The following ANKEF1 variants were observed in gnomAD, a reference collection of about 807,000 sequenced individuals.
ANKEF1 encodes the protein ankyrin repeat and EF-hand domain containing 1.
In ANKEF1, 43 loss-of-function variants were observed where a neutral mutation model predicts 65.1. The observed-to-expected ratio is 0.66, with a 90% CI of 0.52 to 0.85. ANKEF1 has a LOEUF of 0.85. ANKEF1 is among the 40% of genes least tolerant of loss of function. The pLI, the probability that ANKEF1 is intolerant of heterozygous loss-of-function variation, is 0.00. For synonymous variants in ANKEF1, 316 were observed against 341.5 expected, an observed-to-expected ratio of 0.93 and a Z score of 0.82; for missense variants, 934 against 952.9, an observed-to-expected ratio of 0.98 and a Z score of 0.26.
chr20:10,054,224 G>A (rs968512103), intron 9 of ANKEF1, among the ~76,000 whole-genome samples: 1 of 151,918 alleles, frequency 6.6e-6, no homozygotes, highest in Admixed American at 6.6e-5. Flanking sequence ...ATCAAGGATG[G>A]GTATCTCAAA....
chr20:10,038,229 T>C, intron 2 of ANKEF1, 29 bp from the exon 3 acceptor site: 1 of 933,608 alleles, frequency 1.1e-6, no homozygotes, highest in South Asian at 3.0e-5. Flanking sequence ...AAATTAACTT[T>C]GAGTTATTTT....
intron 7 of ANKEF1, among the ~76,000 whole-genome samples, chr20:10,051,319 A>G (rs1476744367): frequency 1.3e-5 from 2 of 152,244 alleles, no homozygotes; most frequent in East Asian, 1.9e-4. Flanking sequence ...TTTATAATTT[A>G]TTAATGAAGT....
In ANKEF1 at chr20:10,043,044, T is replaced by C. The variant is rs903649339; in HGVS notation, c.347-78T>C. The C allele has an allele frequency of 3.5e-6, 5 of 1,435,754 alleles. No homozygotes were observed. In the African/African-American group the frequency reaches 5.7e-5, roughly 16 times the overall value. The allele number at this position is 1,435,754 out of a possible 1,614,324, so 88.9% of individuals were successfully genotyped here. A position where few individuals can be genotyped will look rare whatever the true frequency, so the allele number is the denominator to read the frequency against. On this transcript the variant is annotated intron_variant, in intron 3 of 10. Transcript: ENST00000378392. ...ATGCCTTTAACTAGCTAAATATGGATTTTTAATAATTTTACTTTCCTTCCT... is the reference window on the plus strand; with the variant it reads ...ATGCCTTTAACTAGCTAAATATGGACTTTTAATAATTTTACTTTCCTTCCT...
intron 8 of ANKEF1, among the ~76,000 whole-genome samples, chr20:10,052,598 A>G (rs1276827575): frequency 5.3e-5 from 8 of 152,196 alleles, no homozygotes; most frequent in African/African-American, 1.9e-4. Flanking sequence ...TGGTTGGTTC[A>G]GGCTGCCTCT....
Position 10,049,541 on chromosome 20 carries a change from G to A in ANKEF1, c.972G>A (p.Leu324=), listed in dbSNP as rs1342734515. The change falls in exon 7 of 11, where the codon CTG becomes CTA. Residue 324 remains leucine (L), a synonymous_variant. Transcript: ENST00000378392. ...CAGGAGCCAAAAATCCAAATCCACTGTGGGCCCTTAGACTGCACGATTGGT... is the reference window on the plus strand; with the variant it reads ...CAGGAGCCAAAAATCCAAATCCACTATGGGCCCTTAGACTGCACGATTGGT... ...ARPGAKNPNP[L]WALRLHDWSV... 10 of 1,614,124 alleles carry A rather than the reference G, an allele frequency of 6.2e-6. No individual in the cohort carries two copies. Among genetic ancestry groups the A allele is most frequent in the Non-Finnish European group, 7.6e-6 (9 of 1,180,014 alleles).
At chr20:10,045,805 A>G (rs1984489203) in intron 6 of ANKEF1, 108 bp downstream of exon 6, 5 of 1,109,654 alleles carry the variant, frequency 4.5e-6, no homozygotes, top group African/African-American at 1.6e-5. Flanking sequence ...TTTTTTCTAT[A>G]GCAAAACCTC....
At chr20:10,055,419 GTA>G in intron 10 of ANKEF1, 81 bp from the exon 11 acceptor site, 1 of 1,246,390 alleles carries the variant, frequency 8.0e-7, no homozygotes, top group Non-Finnish European at 1.1e-6. Flanking sequence ...TTAAAACTGT[GTA>G]TTGAAAATTG....
At position 10,055,695 on chromosome 20, in the gene ANKEF1, A is replaced by AGGCC. The variant is rs1412824622; in HGVS notation, c.*36_*39dup. The AGGCC allele has an allele frequency of 6.2e-7, 1 of 1,610,730 alleles. No individual in the cohort carries two copies. Among genetic ancestry groups the AGGCC allele is most frequent in the Admixed American group, 1.7e-5 (1 of 59,932 alleles). ...GTTATTTCTTGGGGTAAATGCTTTG[A>AGGCC]GGCCCAGGGACCAATCTTTGGAGAA... On this transcript the variant is annotated 3_prime_UTR_variant, in exon 11 of 11. Coordinates refer to ENST00000378392, the MANE Select transcript of ANKEF1 (RefSeq NM_022096.6).
chr20:10,047,241 G>T (rs186045444), intron 6 of ANKEF1, among the ~76,000 whole-genome samples: 1 of 152,318 alleles, frequency 6.6e-6, no homozygotes, highest in African/African-American at 2.4e-5. Context: ...ACTCAGTGAT[G>T]CAGAAAAGAT....
In ANKEF1 at chr20:10,056,077, G is replaced by A. The variant is rs554557726; in HGVS notation, c.*417G>A. On this transcript the variant is annotated 3_prime_UTR_variant, in exon 11 of 11. Transcript: ENST00000378392. ...AGGCAGTCCTCCCAACTTGGCCGTC[G>A]AAAGTGCTGGGATTATAGGCATGAG... The A allele has an allele frequency of 1.3e-4, 21 of 156,686 alleles. No individual in the cohort carries two copies. The highest frequency in any genetic ancestry group is 2.5e-4 in the Admixed American group (4 of 16,180). The allele number at this position is 156,686 out of a possible 1,614,324, so 9.7% of individuals were successfully genotyped here. A position where few individuals can be genotyped will look rare whatever the true frequency, so the allele number is the denominator to read the frequency against.
chr20:10,053,058 G>A, intron 8 of ANKEF1, 54 bp from the exon 9 acceptor site: 1 of 1,505,926 alleles, frequency 6.6e-7, no homozygotes, highest in Admixed American at 2.3e-5. Context: ...TTTCTACATG[G>A]TTTATCATTA....
chr20:10,043,652 CTTTTTTTTTTTTT>C (rs374135080), intron 4 of ANKEF1, among the ~76,000 whole-genome samples: 10 of 81,372 alleles, frequency 1.2e-4, no homozygotes, highest in Non-Finnish European at 1.8e-4. Flanking sequence ...TTTTCTTTTC[CTTTTTTTTTTTTT>C]TTTTTTTTTT....
At chr20:10,044,884 A>G (rs532969391) in intron 5 of ANKEF1, among the ~76,000 whole-genome samples, 1 of 152,148 alleles carries the variant, frequency 6.6e-6, no homozygotes, top group African/African-American at 2.4e-5. Context: ...TGATCTAATT[A>G]TGGGAGAACA....
intron 7 of ANKEF1, among the ~76,000 whole-genome samples, 152 bp from the exon 8 acceptor site, chr20:10,051,507 CAAAT>C (rs1231150138): frequency 2.0e-5 from 3 of 152,142 alleles, no homozygotes; most frequent in African/African-American, 7.2e-5. Context: ...TTAAGACTGT[CAAAT>C]AATGCAGAAC....
At position 10,049,941 on chromosome 20, in the gene ANKEF1, A is replaced by G. The variant is rs1555772623; in HGVS notation, c.1372A>G (p.Thr458Ala). ...TGGGCCACCGTATTACATGATTGAG[A>G]CCTACAAGAATGTCACTGATAGCAG... ...DGGPPYYMIETYKNVTDSSRF... is the reference protein window; with the variant it reads ...DGGPPYYMIEAYKNVTDSSRF... The change falls in exon 7 of 11, where the codon ACC becomes GCC. Residue 458 changes from threonine to alanine, a missense_variant. Transcript: ENST00000378392. 2.5e-6 allele frequency: 4 copies of G among 1,614,114 alleles called. No individual in the cohort carries two copies. Among genetic ancestry groups the G allele is most frequent in the Non-Finnish European group, 3.4e-6 (4 of 1,180,012 alleles).
chr20:10,041,240 A>G (rs976838555), intron 3 of ANKEF1, among the ~76,000 whole-genome samples: 3 of 151,420 alleles, frequency 2.0e-5, no homozygotes, highest in Admixed American at 6.6e-5. Flanking sequence ...GTTTTTCTTT[A>G]TATGCTTGTA....
At chr20:10,053,035 G>T (rs1914072155) in intron 8 of ANKEF1, 77 bp from the exon 9 acceptor site, 3 of 1,439,784 alleles carry the variant, frequency 2.1e-6, no homozygotes, top group Non-Finnish European at 1.9e-6. Context: ...TAGAGCTGAT[G>T]TGCTGAGATA....
chr20:10,047,085 G>A (rs1351438310), intron 6 of ANKEF1, among the ~76,000 whole-genome samples: 6 of 152,238 alleles, frequency 3.9e-5, no homozygotes, highest in Non-Finnish European at 7.4e-5. Context: ...AAGTTGAGAC[G>A]AATTTCTTTA....
chr20:10,042,821 A>G (rs1185919699), intron 3 of ANKEF1, among the ~76,000 whole-genome samples: 1 of 152,184 alleles, frequency 6.6e-6, no homozygotes, highest in Admixed American at 6.5e-5. Flanking sequence ...AAGAAGGGAC[A>G]CTCAGGGTAC....
Sources: allele counts gnomAD v4.1 joint callset (sites outside exome capture counted in the v4.1 genomes callset), GRCh38; gene constraint gnomAD v4.1.1; transcripts MANE v1.5; gene names NCBI Gene and HGNC (gene_info 2026-07-23, HGNC 2026-07-21).